Variants in SPOCK3 observed in about 807,000 individuals in gnomAD.
SPOCK3 encodes testican-3.
In SPOCK3, 30 loss-of-function variants were observed where a neutral mutation model predicts 56.6. The observed-to-expected ratio is 0.53, with a 90% CI of 0.40 to 0.72. The LOEUF (loss-of-function observed/expected upper bound fraction) is 0.72, where lower values mean the gene tolerates loss of function less well. Ranked by LOEUF, SPOCK3 falls within the 30% of genes least tolerant of loss-of-function variation. SPOCK3 has a pLI of 0.00. For synonymous variants in SPOCK3, 196 were observed against 183.3 expected (o/e 1.07, Z -0.56); for missense variants, 527 against 530.0 (o/e 0.99, Z 0.06).
intron 3 of SPOCK3, among the ~76,000 whole-genome samples, chr4:167,003,146 T>C (rs1380409048): frequency 6.6e-6 from 1 of 152,146 alleles, no homozygotes; most frequent in Non-Finnish European, 1.5e-5. Context: ...CACAGTTTTG[T>C]CATGTATGCT....
At chr4:166,784,013 TC>T (rs1394188765) in intron 7 of SPOCK3, among the ~76,000 whole-genome samples, 2 of 152,102 alleles carry the variant, frequency 1.3e-5, no homozygotes, top group African/African-American at 4.8e-5. Flanking sequence ...TTCCGATAGT[TC>T]AGATGACTGG....
At chr4:166,913,834 C>T (rs977109984) in intron 4 of SPOCK3, among the ~76,000 whole-genome samples, 7 of 152,032 alleles carry the variant, frequency 4.6e-5, no homozygotes, top group African/African-American at 1.4e-4. Context: ...GTTCCAAATA[C>T]GTTCTCTTTA....
intron 4 of SPOCK3, among the ~76,000 whole-genome samples, chr4:166,946,328 G>C (rs1741743709): frequency 6.6e-6 from 1 of 152,150 alleles, no homozygotes; most frequent in Non-Finnish European, 1.5e-5. Flanking sequence ...CCTTACAAAA[G>C]TATACAATGT....
chr4:166,977,230 G>A (rs1267330071), intron 4 of SPOCK3, among the ~76,000 whole-genome samples: 2 of 151,878 alleles, frequency 1.3e-5, no homozygotes, highest in African/African-American at 4.8e-5. Context: ...TTATAATCAT[G>A]TTGTATTTAA....
intron 7 of SPOCK3, among the ~76,000 whole-genome samples, chr4:166,787,867 C>T (rs1230932883): frequency 1.3e-5 from 2 of 152,178 alleles, no homozygotes; most frequent in South Asian, 2.1e-4. Context: ...ATTATATCTA[C>T]TAAGTGTTTG....
chr4:166,927,571 T>C (rs1478603331), intron 4 of SPOCK3, among the ~76,000 whole-genome samples: 1 of 152,118 alleles, frequency 6.6e-6, no homozygotes, highest in Non-Finnish European at 1.5e-5. Context: ...CTTCACAAAA[T>C]GTAACTCAAA....
At chr4:167,214,556 C>T (rs1009974562) in intron 2 of SPOCK3, among the ~76,000 whole-genome samples, 1 of 152,056 alleles carries the variant, frequency 6.6e-6, no homozygotes, top group Middle Eastern at 3.4e-3. Context: ...TGGTTTTTCC[C>T]AAGTGATTGT....
chr4:167,141,159 A>G (rs1239707060), intron 2 of SPOCK3, among the ~76,000 whole-genome samples: 1 of 151,966 alleles, frequency 6.6e-6, no homozygotes, highest in Non-Finnish European at 1.5e-5. Flanking sequence ...TTCAGCCCCA[A>G]TTACACCAGG....
At chr4:166,764,608 G>T (rs999728384) in intron 7 of SPOCK3, among the ~76,000 whole-genome samples, 1 of 152,120 alleles carries the variant, frequency 6.6e-6, no homozygotes, top group African/African-American at 2.4e-5. Flanking sequence ...ATTTGGGTTG[G>T]TTCCAAGTCT....
At chr4:166,949,051 C>CT (rs1480375608) in intron 4 of SPOCK3, among the ~76,000 whole-genome samples, 5 of 152,036 alleles carry the variant, frequency 3.3e-5, no homozygotes, top group South Asian at 4.1e-4. Context: ...TCTTTTTATT[C>CT]TTTTTTCTCT....
chr4:166,975,613 G>A lies in SPOCK3; in HGVS notation c.350+24736C>T, dbSNP rs114835896. ...TAGATTTTATATATTCTATCTAACTGTATTTTTTGTACCCATTAACCATTC... is the reference window on the plus strand; with the variant it reads ...TAGATTTTATATATTCTATCTAACTATATTTTTTGTACCCATTAACCATTC... On this transcript the variant is annotated intron_variant, in intron 4 of 10. Coordinates refer to ENST00000357545, the MANE Select transcript of SPOCK3 (RefSeq NM_001040159.2). Among the ~76,000 whole-genome samples the A allele has an allele frequency of 7.9e-3, 1,199 of 152,078 alleles. 14 individuals are homozygous for A. Among genetic ancestry groups the A allele is most frequent in the African/African-American group, 0.027 (1,129 of 41,478 alleles).
chr4:166,737,926 G>A (rs1007937857), intron 9 of SPOCK3, among the ~76,000 whole-genome samples: 3 of 152,178 alleles, frequency 2.0e-5, no homozygotes, highest in African/African-American at 7.2e-5. Flanking sequence ...AATCTGATTA[G>A]TGCCATGCTT....
At chr4:167,171,362 A>G (rs1207495521) in intron 2 of SPOCK3, among the ~76,000 whole-genome samples, 1 of 152,180 alleles carries the variant, frequency 6.6e-6, no homozygotes, top group East Asian at 1.9e-4. Context: ...TAATTCAGAC[A>G]TTTCCAAATA....
At chr4:166,834,601 G>T (rs981178076) in intron 6 of SPOCK3, among the ~76,000 whole-genome samples, 1 of 152,116 alleles carries the variant, frequency 6.6e-6, no homozygotes, top group Non-Finnish European at 1.5e-5. Context: ...ATTTTCTTTG[G>T]TATCTTTTAT....
intron 2 of SPOCK3, among the ~76,000 whole-genome samples, chr4:167,223,804 G>A (rs1736315387): frequency 6.6e-6 from 1 of 151,912 alleles, no homozygotes; most frequent in African/African-American, 2.4e-5. Flanking sequence ...AATTAAAAGT[G>A]AACTTATAAT....
intron 2 of SPOCK3, among the ~76,000 whole-genome samples, chr4:167,216,504 ACAGTCTTGG>A (rs758907236): frequency 9.9e-5 from 15 of 152,242 alleles, no homozygotes; most frequent in Non-Finnish European, 1.8e-4. Flanking sequence ...AGAAGGGTGA[ACAGTCTTGG>A]ATTTGAAAAA....
intron 2 of SPOCK3, among the ~76,000 whole-genome samples, chr4:167,197,792 G>A (rs1037704423): frequency 2.0e-5 from 3 of 152,060 alleles, no homozygotes; most frequent in Non-Finnish European, 2.9e-5. Context: ...AATCCCCAAT[G>A]GCCTTTGCAA....
At chr4:167,116,675 A>ACG (rs1561234060) in intron 2 of SPOCK3, among the ~76,000 whole-genome samples, 26 of 95,284 alleles carry the variant, frequency 2.7e-4, no homozygotes, top group African/African-American at 8.6e-4. Context: ...TATAGTATAT[A>ACG]TGTATATATA....
intron 3 of SPOCK3, among the ~76,000 whole-genome samples, chr4:167,026,180 A>T (rs1161481409): frequency 6.6e-6 from 1 of 152,082 alleles, no homozygotes; most frequent in Non-Finnish European, 1.5e-5. Flanking sequence ...ATTAATGTTG[A>T]ATACATGCCA....
Sources: allele counts gnomAD v4.1 joint callset (sites outside exome capture counted in the v4.1 genomes callset), GRCh38; gene constraint gnomAD v4.1.1; transcripts MANE v1.5; gene names NCBI Gene and HGNC (gene_info 2026-07-23, HGNC 2026-07-21).